The following NRG4 variants were observed in gnomAD, a reference collection of about 807,000 sequenced individuals.
NRG4 encodes pro-neuregulin-4, membrane-bound isoform.
A neutral mutation model predicts 15.0 loss-of-function variants in NRG4; 10 were observed. The ratio of observed to expected loss-of-function variants is 0.67; its 90% CI spans 0.41 to 1.13. The LOEUF is 1.13. Among genes scored for constraint, NRG4 ranks in the 50% most tolerant of loss-of-function variants. The pLI is 0.00. For synonymous variants in NRG4, 41 were observed against 50.1 expected (o/e 0.82, Z 0.77); for missense variants, 139 against 140.2 (o/e 0.99, Z 0.04).
chr15:76,030,528 A>G (rs1212719365), intron 5 of NRG4, among the ~76,000 whole-genome samples: 1 of 152,200 alleles, frequency 6.6e-6, no homozygotes, highest in East Asian at 1.9e-4. Flanking sequence ...AAAACTAGAT[A>G]GCAATATGCA....
intron 4 of NRG4, among the ~76,000 whole-genome samples, chr15:75,956,212 T>C (rs2032229177): frequency 6.6e-6 from 1 of 152,238 alleles, no homozygotes; most frequent in Non-Finnish European, 1.5e-5. Context: ...GCTTTAAAAC[T>C]GTTCCCCATT....
intron 2 of NRG4, 34 bp from the exon 3 acceptor site, chr15:76,009,327 CAAATT>C: frequency 9.6e-7 from 1 of 1,040,738 alleles, no homozygotes; most frequent in Non-Finnish European, 1.4e-6. Flanking sequence ...TAGAGAAAAG[CAAATT>C]AAAGTTTTCC....
intron 5 of NRG4, among the ~76,000 whole-genome samples, chr15:75,955,103 C>T (rs1459711250): frequency 6.6e-6 from 1 of 152,148 alleles, no homozygotes; most frequent in Non-Finnish European, 1.5e-5. Flanking sequence ...TTTTCCACAA[C>T]CTCAAGTATT....
chr15:75,996,910 ATTCTC>A (rs1286041719), intron 3 of NRG4, among the ~76,000 whole-genome samples: 1 of 152,188 alleles, frequency 6.6e-6, no homozygotes, highest in Admixed American at 6.5e-5. Flanking sequence ...TATATTTGGA[ATTCTC>A]TTCTAACACA....
chr15:75,959,117 G>T, intron 4 of NRG4: 1 of 411,436 alleles, frequency 2.4e-6, no homozygotes, highest in South Asian at 1.7e-5. Flanking sequence ...AAGCAGCTAG[G>T]ACTACATGCA....
chr15:76,036,403 G>C (rs1297800090), intron 4 of NRG4, among the ~76,000 whole-genome samples: 1 of 152,164 alleles, frequency 6.6e-6, no homozygotes, highest in Non-Finnish European at 1.5e-5. Flanking sequence ...ACCATTCAAA[G>C]TATCATCACT....
chr15:75,990,658 G>A (rs929120374), intron 3 of NRG4, among the ~76,000 whole-genome samples: 1 of 144,914 alleles, frequency 6.9e-6, no homozygotes, highest in South Asian at 2.2e-4. Context: ...TTTTCTTACT[G>A]TAGTTGGTAA....
chr15:75,964,825 C>T (rs2032711621), intron 3 of NRG4, among the ~76,000 whole-genome samples: 1 of 152,044 alleles, frequency 6.6e-6, no homozygotes, highest in Admixed American at 6.6e-5. Flanking sequence ...ACTCAGGAGG[C>T]TGAGGTGGGA....
chr15:76,016,389 T>C (rs1366823890), upstream of NRG4, among the ~76,000 whole-genome samples: 4 of 152,172 alleles, frequency 2.6e-5, no homozygotes, highest in African/African-American at 9.7e-5. Context: ...ATTTTGAATT[T>C]GTTTGCTCTT....
chr15:76,029,217 G>A (rs528983991), intron 5 of NRG4, among the ~76,000 whole-genome samples: 9 of 152,232 alleles, frequency 5.9e-5, no homozygotes, highest in African/African-American at 1.9e-4. Context: ...CATGTCAACA[G>A]GTGCAGAAAA....
chr15:76,004,960 T>A (rs946675102), intron 3 of NRG4, among the ~76,000 whole-genome samples: 1 of 152,184 alleles, frequency 6.6e-6, no homozygotes, highest in Non-Finnish European at 1.5e-5. Flanking sequence ...CTAATAGCCT[T>A]CTGTTGACTG....
At chr15:75,962,481 T>C (rs1353542492) in intron 3 of NRG4, among the ~76,000 whole-genome samples, 1 of 152,216 alleles carries the variant, frequency 6.6e-6, no homozygotes, top group Non-Finnish European at 1.5e-5. Flanking sequence ...TTCAATGATC[T>C]ACACATCTAA....
intron 5 of NRG4, among the ~76,000 whole-genome samples, chr15:75,946,361 T>G (rs1349850875): frequency 1.3e-5 from 2 of 151,918 alleles, no homozygotes; most frequent in African/African-American, 4.9e-5. Context: ...TTGTTTTGTT[T>G]GATTTTGTTT....
At position 75,995,831 on chromosome 15, in the gene NRG4, G is replaced by C. The variant is rs1298465011; in HGVS notation, c.104+13369C>G. On this transcript the variant is annotated intron_variant, in intron 3 of 5. Transcript: ENST00000394907. The stretch of plus-strand genomic sequence containing the variant: ...GCAAGGGACACTCACAGAAAGGAGA[G>C]GCACAGAGGCAAACATCGGCAGTGC... 7.2e-5 allele frequency among the ~76,000 whole-genome samples: 11 copies of C among 152,294 alleles called. No individual in the cohort carries two copies. The East Asian group carries it at 1.9e-3, about 27-fold the overall frequency.
chr15:75,970,265 G>A (rs183604254), intron 3 of NRG4, among the ~76,000 whole-genome samples: 4 of 152,138 alleles, frequency 2.6e-5, no homozygotes, highest in East Asian at 1.9e-4. Flanking sequence ...GAGACAACAC[G>A]TCCAATGAAG....
chr15:76,010,325 T>A (rs1473959290), intron 2 of NRG4, among the ~76,000 whole-genome samples: 2 of 152,046 alleles, frequency 1.3e-5, no homozygotes, highest in Non-Finnish European at 2.9e-5. Flanking sequence ...CTAATCAGAA[T>A]AAGAAAATGG....
intron 5 of NRG4, among the ~76,000 whole-genome samples, chr15:76,018,220 A>T (rs1363247266): frequency 6.6e-6 from 1 of 152,072 alleles, no homozygotes; most frequent in African/African-American, 2.4e-5. Flanking sequence ...CCAGTTAGTA[A>T]TTCCTCTAAC....
At chr15:76,004,742 A>G (rs1026951678) in intron 3 of NRG4, among the ~76,000 whole-genome samples, 43 of 152,268 alleles carry the variant, frequency 2.8e-4, no homozygotes, top group Admixed American at 2.8e-3. Context: ...ATCAGTAATT[A>G]CTTTAAATGT....
intron 3 of NRG4, among the ~76,000 whole-genome samples, chr15:75,988,117 G>T (rs181183344): frequency 1.3e-4 from 20 of 152,328 alleles, no homozygotes; most frequent in Non-Finnish European, 2.4e-4. Flanking sequence ...TGAGAAGCTA[G>T]TTGAGAGAAT....
Sources: allele counts gnomAD v4.1 joint callset (sites outside exome capture counted in the v4.1 genomes callset), GRCh38; gene constraint gnomAD v4.1.1; transcripts MANE v1.5; gene names NCBI Gene and HGNC (gene_info 2026-07-23, HGNC 2026-07-21).